Variants in GEMIN5 observed in about 807,000 individuals in gnomAD.
The protein encoded by GEMIN5 is gem-associated protein 5.
Under a neutral mutation model 176.9 loss-of-function variants are expected in GEMIN5, and 124 were observed. The observed-to-expected ratio is 0.70, with a 90% CI of 0.61 to 0.81. The LOEUF (loss-of-function observed/expected upper bound fraction) is 0.81. Among genes scored for constraint, GEMIN5 ranks in the 40% least tolerant of loss-of-function variants. The probability of loss-of-function intolerance (pLI) is 0.00; values close to 1 mark genes in which losing one functional copy is unlikely to be tolerated. For synonymous variants in GEMIN5, 673 were observed against 665.2 expected (o/e 1.01, Z -0.18); for missense variants, 1,843 against 1,814.6 (o/e 1.02, Z -0.28).
intron 14 of GEMIN5, among the ~76,000 whole-genome samples, chr5:154,912,383 ACATCTCAATT>A (rs1287134609): frequency 1.3e-5 from 2 of 152,216 alleles, no homozygotes; most frequent in Admixed American, 1.3e-4. Flanking sequence ...CTTTGTGCAG[ACATCTCAATT>A]ACAACTCAAC....
chr5:154,888,794 G>A (rs949598083), intron 27 of GEMIN5, among the ~76,000 whole-genome samples: 7 of 152,148 alleles, frequency 4.6e-5, no homozygotes, highest in East Asian at 3.9e-4. Context: ...TTGTGTGATC[G>A]ATAATTCTAG....
chr5:154,907,846 T>TA, intron 15 of GEMIN5, 28 bp from the exon 16 acceptor site: 1 of 1,526,530 alleles, frequency 6.6e-7, no homozygotes, highest in Middle Eastern at 1.7e-4. Context: ...AAGGACTGAC[T>TA]AAAGTATACA....
chr5:154,903,262 G>C, intron 18 of GEMIN5, 87 bp from the exon 19 acceptor site: 1 of 847,340 alleles, frequency 1.2e-6, no homozygotes, highest in Non-Finnish European at 2.0e-6. Flanking sequence ...TATATGTTTG[G>C]AACACCCACT....
chr5:154,928,892 C>T (rs960406649), intron 5 of GEMIN5, among the ~76,000 whole-genome samples: 1 of 151,884 alleles, frequency 6.6e-6, no homozygotes, highest in Non-Finnish European at 1.5e-5. Flanking sequence ...AAACAAGCTT[C>T]GACAGGCTAT....
intron 24 of GEMIN5, 89 bp downstream of exon 24, chr5:154,896,003 T>C: frequency 6.8e-7 from 1 of 1,469,828 alleles, no homozygotes; most frequent in Non-Finnish European, 9.4e-7. Flanking sequence ...CAGTCCAGTA[T>C]TCTGCTTGTT....
chr5:154,938,109 G>A lies in GEMIN5; in HGVS notation c.25C>T (p.Pro9Ser). 7.1e-7 allele frequency: 1 copy of A among 1,411,914 alleles called. No homozygotes were observed. Among genetic ancestry groups the A allele is most frequent in the South Asian group, 1.6e-5 (1 of 62,586 alleles). The allele number at this position is 1,411,914 out of a possible 1,614,324, so 87.5% of individuals were successfully genotyped here. Residue 9 changes from proline to serine, a missense_variant, in exon 1 of 28, where the codon CCG (proline) becomes TCG (serine). By Grantham distance (74) the Pro-to-Ser change is moderately conservative. Transcript: ENST00000285873. MGQEPRTL[P>S]PSPNWYCARC... Reference sequence around the variant, plus strand: ...GCGCAGTACCAGTTGGGGGAGGGCGGCAGCGTCCGCGGCTCCTGCCCCATA... The same window carrying A: ...GCGCAGTACCAGTTGGGGGAGGGCGACAGCGTCCGCGGCTCCTGCCCCATA...
At chr5:154,933,150 A>G (rs1402196662) in intron 3 of GEMIN5, among the ~76,000 whole-genome samples, 1 of 152,220 alleles carries the variant, frequency 6.6e-6, no homozygotes, top group Admixed American at 6.5e-5. Context: ...TTCCACTTCA[A>G]TCAAACCTCT....
At chr5:154,901,292 T>C in intron 21 of GEMIN5, 47 bp downstream of exon 21, 3 of 1,553,054 alleles carry the variant, frequency 1.9e-6, no homozygotes, top group Non-Finnish European at 2.6e-6. Flanking sequence ...TTTAGGTTAT[T>C]TTCACATTAT....
chr5:154,919,911 AAC>A, intron 11 of GEMIN5, 54 bp downstream of exon 11: 4 of 1,499,144 alleles, frequency 2.7e-6, no homozygotes, highest in Non-Finnish European at 1.8e-6. Context: ...CAAGATGGGA[AAC>A]ACAGAGGGAT....
chr5:154,921,356 G>A lies in GEMIN5; in HGVS notation c.1449C>T (p.Pro483=). 1.5e-6 allele frequency: 2 copies of A among 1,354,990 alleles called. No individual in the cohort carries two copies. The highest frequency in any genetic ancestry group is 1.2e-5 in the South Asian group (1 of 84,636). 83.9% of individuals were successfully genotyped at this position (1,354,990 alleles called of 1,614,324 possible). The stretch of plus-strand genomic sequence containing the variant: ...TCAGATACTTACCAAGTGACATGGG[G>A]GGTACTGGTGGCCCCCAGGCTAAAG... ...VYTLAWGPPV[P]PMSLGGEGDR... Residue 483 remains proline (P), a synonymous_variant, in exon 10 of 28, where the codon CCC becomes CCT. Transcript: ENST00000285873.
Position 154,892,392 on chromosome 5 carries a change from G to A in GEMIN5, c.3755C>T (p.Pro1252Leu). Residue 1252 changes from proline (P) to leucine (L), a missense_variant, in exon 25 of 28, where the codon CCT (proline) becomes CTT (leucine). By Grantham distance (98) the Pro-to-Leu change is moderately conservative. Coordinates refer to ENST00000285873, the MANE Select transcript of GEMIN5 (RefSeq NM_015465.5). Reference sequence around the variant, plus strand: ...GGCAGCAGGAAGTCACTTACCGTCAGGGAGAAAGGCTGAGTACACTTCCTG... The same window carrying A: ...GGCAGCAGGAAGTCACTTACCGTCAAGGAGAAAGGCTGAGTACACTTCCTG... ...IMQEVYSAFL[P>L]DGCDHLRDKL... 1 of 1,613,204 alleles carries A rather than the reference G, an allele frequency of 6.2e-7. No individual in the cohort carries two copies. Among genetic ancestry groups the A allele is most frequent in the Non-Finnish European group, 8.5e-7 (1 of 1,179,304 alleles).
rs183660330 is a variant in GEMIN5, at chr5:154,936,819, A to C, written c.327+206T>G. Among the ~76,000 whole-genome samples the C allele has an allele frequency of 2.6e-4, 39 of 152,386 alleles. No individual in the cohort carries two copies. The East Asian group carries it at 6.9e-3, about 27-fold the overall frequency. ...TCTAATAAAACCTATTTGCAAAAAC[A>C]GGCACAGAGCAGTTTGCCAACCTCT... On this transcript the variant is annotated intron_variant, in intron 2 of 27. Transcript: ENST00000285873.
intron 15 of GEMIN5, among the ~76,000 whole-genome samples, chr5:154,909,604 T>C (rs1324241634): frequency 6.6e-6 from 1 of 152,170 alleles, no homozygotes; most frequent in African/African-American, 2.4e-5. Flanking sequence ...ACCAAGCCTC[T>C]TTGTAGTAAG....
chr5:154,891,067 T>TTTC (rs1415290339), intron 26 of GEMIN5, among the ~76,000 whole-genome samples, 174 bp downstream of exon 26: 1 of 146,902 alleles, frequency 6.8e-6, no homozygotes, highest in Admixed American at 6.8e-5. Context: ...TTTTTTTTTT[T>TTTC]TTTTTTTTTG....
intron 20 of GEMIN5, 71 bp from the exon 21 acceptor site, chr5:154,901,557 G>A: frequency 6.8e-7 from 1 of 1,461,360 alleles, no homozygotes; most frequent in Non-Finnish European, 9.5e-7. Flanking sequence ...AGTACATTTG[G>A]GTTGAAAAAG....
chr5:154,904,935 G>A (rs1380371627), intron 17 of GEMIN5, among the ~76,000 whole-genome samples: 1 of 152,248 alleles, frequency 6.6e-6, no homozygotes, highest in Non-Finnish European at 1.5e-5. Context: ...GCTCACGCCT[G>A]TAATCCCAGC....
In GEMIN5 at chr5:154,891,280, A is replaced by G. The variant is rs556648181; in HGVS notation, c.4223T>C (p.Val1408Ala). The change falls in exon 26 of 28, where the codon GTA becomes GCA. Residue 1408 changes from valine to alanine, a missense_variant. Transcript: ENST00000285873. ...ANGPDKNEPE[V>A]EAEQPLCSSQ... ...ACTGCAGAGGGGCTGCTCTGCTTCT[A>G]CTTCCGGTTCATTCTTATCAGGACC... The G allele has an allele frequency of 1.9e-6, 3 of 1,613,730 alleles. No individual in the cohort carries two copies. Among genetic ancestry groups the G allele is most frequent in the African/African-American group, 1.3e-5 (1 of 74,836 alleles).
chr5:154,926,157 G>A (rs1047467309), intron 7 of GEMIN5, 83 bp from the exon 8 acceptor site: 2 of 827,340 alleles, frequency 2.4e-6, no homozygotes, highest in Non-Finnish European at 4.0e-6. Context: ...AATGGGATAG[G>A]CTCAAAGACT....
intron 27 of GEMIN5, among the ~76,000 whole-genome samples, chr5:154,888,667 C>T: frequency 6.6e-6 from 1 of 152,034 alleles, no homozygotes; most frequent in East Asian, 1.9e-4. Flanking sequence ...ATATTTGGGC[C>T]CACAGCCAAA....
Sources: allele counts gnomAD v4.1 joint callset (sites outside exome capture counted in the v4.1 genomes callset), GRCh38; gene constraint gnomAD v4.1.1; transcripts MANE v1.5; gene names NCBI Gene and HGNC (gene_info 2026-07-23, HGNC 2026-07-21).